The following PUM1 variants were observed in gnomAD, a reference collection of about 807,000 sequenced individuals.
PUM1 encodes the protein pumilio homolog 1.
Under a neutral mutation model 131.8 loss-of-function variants are expected in PUM1, and 13 were observed. The observed-to-expected ratio is 0.10, with a 90% confidence interval of 0.06 to 0.16. PUM1 has a LOEUF of 0.16. PUM1 is among the 10% of genes least tolerant of loss of function. The probability of loss-of-function intolerance (pLI) is 1.00; values close to 1 mark genes in which losing one functional copy is unlikely to be tolerated. For synonymous variants in PUM1, 509 were observed against 556.5 expected (o/e 0.91, Z 1.20); for missense variants, 961 against 1,512.4 (o/e 0.64, Z 6.05).
At chr1:30,977,683 C>A (rs1221114504) in intron 9 of PUM1, among the ~76,000 whole-genome samples, 1 of 152,072 alleles carries the variant, frequency 6.6e-6, no homozygotes, top group African/African-American at 2.4e-5. Context: ...TCATTTTCAC[C>A]CTGGCTCAAC....
At chr1:31,038,984 A>ATATTTTTTTTTTTTTT in intron 2 of PUM1, among the ~76,000 whole-genome samples, 10 of 49,412 alleles carry the variant, frequency 2.0e-4, no homozygotes, top group African/African-American at 1.9e-3. Context: ...ATATATATAT[A>ATATTTTTTTTTTTTTT]TTTTTTTTTT....
At chr1:30,970,852 A>G (rs1640847124) in intron 10 of PUM1, among the ~76,000 whole-genome samples, 1 of 152,188 alleles carries the variant, frequency 6.6e-6, no homozygotes, top group South Asian at 2.1e-4. Context: ...ACAGAATATA[A>G]AGAAGTAGGT....
intron 2 of PUM1, among the ~76,000 whole-genome samples, chr1:31,043,795 A>C (rs895472305): frequency 6.6e-6 from 1 of 152,234 alleles, no homozygotes; most frequent in African/African-American, 2.4e-5. Flanking sequence ...AGTAGTCATT[A>C]GCCCCAGTAA....
intron 10 of PUM1, among the ~76,000 whole-genome samples, chr1:30,968,856 C>T (rs1469751999): frequency 3.9e-5 from 6 of 152,172 alleles, no homozygotes; most frequent in African/African-American, 1.4e-4. Flanking sequence ...ATATTTAATG[C>T]CTACCATGTG....
intron 2 of PUM1, among the ~76,000 whole-genome samples, chr1:31,053,592 C>T (rs1355767351): frequency 1.3e-5 from 2 of 151,308 alleles, no homozygotes; most frequent in Admixed American, 1.3e-4. Flanking sequence ...CCTACCTCAG[C>T]CCTCCAAGTA....
rs116451747 is a variant in PUM1, at chr1:30,974,842, C to A, written c.1355-40G>T. 7,774 of 1,561,364 alleles carry A rather than the reference C, an allele frequency of 5.0e-3. 26 individuals carry two copies. Among genetic ancestry groups the A allele is most frequent in the Non-Finnish European group, 5.9e-3 (6,729 of 1,148,158 alleles). On this transcript the variant is annotated intron_variant, in intron 9 of 21. Coordinates refer to ENST00000426105, the MANE Select transcript of PUM1 (RefSeq NM_001020658.2). ...AGAAAGGTAAAGAAAGTCTGAACTA[C>A]TGAGGCTCATCTCAGCCTTTCCAAA...
intron 3 of PUM1, among the ~76,000 whole-genome samples, chr1:31,015,857 G>A (rs1642798642): frequency 6.6e-6 from 1 of 151,526 alleles, no homozygotes; most frequent in Non-Finnish European, 1.5e-5. Flanking sequence ...ATTTTTAGTA[G>A]AGATGGGGTT....
intron 2 of PUM1, among the ~76,000 whole-genome samples, chr1:31,038,982 A>ATTTTTT (rs1172043445): frequency 2.1e-4 from 6 of 27,978 alleles, no homozygotes; most frequent in Non-Finnish European, 3.4e-4. Context: ...ATATATATAT[A>ATTTTTT]TATTTTTTTT....
chr1:30,976,993 A>ATC (rs1342313304), intron 9 of PUM1, among the ~76,000 whole-genome samples: 1 of 152,220 alleles, frequency 6.6e-6, no homozygotes, highest in East Asian at 1.9e-4. Flanking sequence ...GTAAACAGGT[A>ATC]GAGTGTTCCT....
intron 10 of PUM1, among the ~76,000 whole-genome samples, chr1:30,971,407 T>A (rs1358497392): frequency 6.6e-6 from 1 of 152,208 alleles, no homozygotes; most frequent in Non-Finnish European, 1.5e-5. Flanking sequence ...AAAAACTTCT[T>A]AGTAGGGTTT....
chr1:31,011,149 C>T (rs1033766369), intron 3 of PUM1, among the ~76,000 whole-genome samples: 1 of 138,876 alleles, frequency 7.2e-6, no homozygotes, highest in African/African-American at 2.8e-5. Flanking sequence ...CAGAGTGAGA[C>T]CCTATCTCTT....
chr1:31,015,443 G>C (rs76024965), intron 3 of PUM1, among the ~76,000 whole-genome samples: 1 of 151,448 alleles, frequency 6.6e-6, no homozygotes, highest in Non-Finnish European at 1.5e-5. Context: ...CTGGGTTCAC[G>C]CCATTCTCCT....
At chr1:30,952,196 T>C (rs1052570413) in intron 16 of PUM1, 38 bp downstream of exon 16, 2 of 1,597,942 alleles carry the variant, frequency 1.3e-6, no homozygotes, top group Non-Finnish European at 1.7e-6. Flanking sequence ...GCTCTGCAGA[T>C]TCTCTTAAGT....
intron 2 of PUM1, among the ~76,000 whole-genome samples, chr1:31,029,863 G>A (rs550381661): frequency 2.7e-5 from 4 of 148,904 alleles, no homozygotes; most frequent in South Asian, 4.3e-4. Flanking sequence ...GCAGTGAGCC[G>A]TGATCGCACC....
At chr1:30,988,602 A>G (rs546367469) in intron 7 of PUM1, among the ~76,000 whole-genome samples, 1 of 152,326 alleles carries the variant, frequency 6.6e-6, no homozygotes, top group South Asian at 2.1e-4. Flanking sequence ...TATGTGCTGC[A>G]CTAGACCTCT....
At chr1:31,038,985 T>TATATATA (rs879343889) in intron 2 of PUM1, among the ~76,000 whole-genome samples, 102 of 32,980 alleles carry the variant, frequency 3.1e-3, no homozygotes, top group Middle Eastern at 0.021. Flanking sequence ...TATATATATA[T>TATATATA]TTTTTTTTTT....
intron 2 of PUM1, among the ~76,000 whole-genome samples, chr1:31,042,307 A>AAAATAAATAAATAAAT (rs202126375): frequency 1.4e-4 from 19 of 137,806 alleles, no homozygotes; most frequent in African/African-American, 5.4e-4. Context: ...CTCTGTATCA[A>AAAATAAATAAATAAAT]AAATAAATAA....
chr1:31,028,432 T>C (rs1037777135), intron 3 of PUM1, among the ~76,000 whole-genome samples: 1 of 136,082 alleles, frequency 7.3e-6, no homozygotes. Context: ...GGGGGGTGGG[T>C]TGGGGGAAAA....
At chr1:30,993,154 T>C (rs565574607) in intron 6 of PUM1, among the ~76,000 whole-genome samples, 51 of 152,262 alleles carry the variant, frequency 3.3e-4, no homozygotes, top group African/African-American at 1.1e-3. Context: ...TTTTTACATG[T>C]CGTTGGTATT....
Sources: gnomAD v4.1 joint callset for allele counts (sites outside exome capture counted in the v4.1 genomes callset) on GRCh38, gnomAD v4.1.1 for gene constraint, MANE v1.5 for transcripts, NCBI Gene and HGNC (gene_info 2026-07-23, HGNC 2026-07-21) for gene names.